Variants in NAV2 observed in about 807,000 individuals in gnomAD.
The protein encoded by NAV2 is helicase, APC down-regulated 1.
Under a neutral mutation model 223.2 loss-of-function variants are expected in NAV2, and 54 were observed. The observed-to-expected ratio is 0.24, with a 90% CI of 0.19 to 0.30. The LOEUF is 0.30. NAV2 is among the 10% of genes least tolerant of loss of function. The pLI, the probability that NAV2 is intolerant of heterozygous loss-of-function variation, is 1.00. For synonymous variants in NAV2, 1,279 were observed against 1,239.3 expected (o/e 1.03, Z -0.67); for missense variants, 2,806 against 3,147.5 (o/e 0.89, Z 2.60).
intron 1 of NAV2, among the ~76,000 whole-genome samples, chr11:19,796,568 G>A (rs1393774630): frequency 1.5e-4 from 23 of 152,136 alleles, no homozygotes; most frequent in Admixed American, 1.5e-3. Flanking sequence ...AGGTCACACA[G>A]CTGTTAGGAA....
intron 1 of NAV2, among the ~76,000 whole-genome samples, chr11:19,752,711 A>G (rs1676029412): frequency 6.6e-6 from 1 of 152,152 alleles, no homozygotes; most frequent in Non-Finnish European, 1.5e-5. Flanking sequence ...ATTCCTGACC[A>G]TTGGACAGGA....
At chr11:19,581,325 A>G (rs1486281680) in intron 1 of NAV2, among the ~76,000 whole-genome samples, 2 of 152,088 alleles carry the variant, frequency 1.3e-5, no homozygotes, top group African/African-American at 4.8e-5. Flanking sequence ...TGTTTAACAA[A>G]TTTCTCTGAA....
intron 1 of NAV2, among the ~76,000 whole-genome samples, chr11:19,451,145 G>A (rs1285393693): frequency 2.0e-5 from 3 of 152,180 alleles, no homozygotes; most frequent in South Asian, 2.1e-4. Context: ...AGAAGCTGAC[G>A]GGACAGAGGG....
At chr11:19,895,870 T>G (rs532880083) in intron 6 of NAV2, among the ~76,000 whole-genome samples, 1 of 152,222 alleles carries the variant, frequency 6.6e-6, no homozygotes, top group East Asian at 1.9e-4. Flanking sequence ...CCAGCCCACA[T>G]GCAGAGTGAA....
intron 3 of NAV2, among the ~76,000 whole-genome samples, chr11:19,867,311 A>G (rs750870888): frequency 5.6e-4 from 85 of 152,296 alleles, no homozygotes; most frequent in Non-Finnish European, 1.0e-3. Context: ...GCTCCTGTGT[A>G]TAACAGGGAA....
chr11:19,575,227 G>T (rs2045539023), intron 1 of NAV2: 1 of 153,996 alleles, frequency 6.5e-6, no homozygotes, highest in Admixed American at 6.5e-5. Context: ...TAAATTAGAG[G>T]GGTTCTTAGC....
chr11:19,498,323 G>T (rs369464386), intron 1 of NAV2, among the ~76,000 whole-genome samples: 2 of 152,208 alleles, frequency 1.3e-5, no homozygotes, highest in African/African-American at 4.8e-5. Context: ...TCCCCAAAAG[G>T]GGGAGGGCAC....
chr11:20,058,101 G>A (rs905248102), intron 19 of NAV2, among the ~76,000 whole-genome samples: 28 of 152,204 alleles, frequency 1.8e-4, no homozygotes, highest in African/African-American at 6.5e-4. Flanking sequence ...TAGAGTTTGT[G>A]TAATTAGGTT....
intron 1 of NAV2, among the ~76,000 whole-genome samples, chr11:19,545,369 C>T (rs538935174): frequency 1.8e-4 from 27 of 152,310 alleles, no homozygotes; most frequent in African/African-American, 6.3e-4. Flanking sequence ...GGTTTAGAGA[C>T]TGATATTTGT....
intron 1 of NAV2, among the ~76,000 whole-genome samples, chr11:19,378,103 G>T (rs1028982880): frequency 6.6e-6 from 1 of 152,188 alleles, no homozygotes; most frequent in Non-Finnish European, 1.5e-5. Flanking sequence ...GCTTCTCAGA[G>T]CGTATGTATG....
chr11:19,665,709 A>G (rs984068648), intron 1 of NAV2, among the ~76,000 whole-genome samples: 4 of 152,174 alleles, frequency 2.6e-5, no homozygotes, highest in African/African-American at 7.2e-5. Flanking sequence ...AGTATTTATA[A>G]TCTTCTCTTG....
intron 3 of NAV2, among the ~76,000 whole-genome samples, chr11:19,865,176 A>G (rs2062018902): frequency 6.6e-6 from 1 of 152,078 alleles, no homozygotes; most frequent in Admixed American, 6.5e-5. Flanking sequence ...CTGCCTCCCA[A>G]CTTTAATCAG....
In NAV2 at chr11:19,953,858, CGT is replaced by C. The variant is rs373382653; in HGVS notation, c.2645+4801_2645+4802del. On this transcript the variant is annotated intron_variant, in intron 10 of 37. Coordinates refer to ENST00000349880, the MANE Select transcript of NAV2 (RefSeq NM_145117.5). The stretch of plus-strand genomic sequence containing the variant: ...TGCACAAGAAATGTGCACGCGCGCG[CGT>C]GTGTGTGTGTGTGTGTGTGTGTCTT... Among the ~76,000 whole-genome samples, 151 of 150,622 alleles carry C rather than the reference CGT, an allele frequency of 1.0e-3. 1 individual carries two copies. The highest frequency in any genetic ancestry group is 2.9e-3 in the African/African-American group (119 of 41,014).
chr11:20,062,451 AG>A, intron 20 of NAV2, 92 bp downstream of exon 20: 1 of 967,392 alleles, frequency 1.0e-6, no homozygotes, highest in Non-Finnish European at 1.6e-6. Context: ...CATTTATCCT[AG>A]GGAAAGCATT....
At chr11:19,896,800 C>CCATTGTGG (rs2042017490) in intron 6 of NAV2, among the ~76,000 whole-genome samples, 1 of 152,182 alleles carries the variant, frequency 6.6e-6, no homozygotes, top group East Asian at 1.9e-4. Flanking sequence ...TAAACTAGTT[C>CCATTGTGG]AACCATTGTG....
intron 1 of NAV2, among the ~76,000 whole-genome samples, chr11:19,600,296 C>G (rs565953645): frequency 6.6e-6 from 1 of 152,348 alleles, no homozygotes; most frequent in South Asian, 2.1e-4. Context: ...ACAAGAATCT[C>G]TCAGAGACAG....
intron 1 of NAV2, among the ~76,000 whole-genome samples, chr11:19,474,318 T>C (rs2042053572): frequency 6.6e-6 from 1 of 151,246 alleles, no homozygotes; most frequent in Admixed American, 6.6e-5. Flanking sequence ...ATAGTGAGGC[T>C]GTATTTTGGG....
At chr11:19,801,819 C>A (rs1282904404) in intron 1 of NAV2, among the ~76,000 whole-genome samples, 3 of 152,098 alleles carry the variant, frequency 2.0e-5, no homozygotes, top group Non-Finnish European at 2.9e-5. Context: ...ATTAAGAGGA[C>A]AATAGTCTTG....
rs555015605 is a variant in NAV2, at chr11:19,870,358, C to T, written c.511+1361C>T. On this transcript the variant is annotated intron_variant, in intron 4 of 37. Transcript: ENST00000349880. ...TTGTGCTGGCTGGTAGGTGGCAGGG[C>T]ATACTCGTCCTAGTTTCTGGGAGTG... 1.4e-3 allele frequency among the ~76,000 whole-genome samples: 219 copies of T among 152,270 alleles called. 5 individuals are homozygous for T. Among genetic ancestry groups the T allele is most frequent in the Non-Finnish European group, 6.3e-4 (43 of 68,022 alleles).
Sources: gnomAD v4.1 joint callset for allele counts (sites outside exome capture counted in the v4.1 genomes callset) on GRCh38, gnomAD v4.1.1 for gene constraint, MANE v1.5 for transcripts, NCBI Gene and HGNC (gene_info 2026-07-23, HGNC 2026-07-21) for gene names.